The following BRF1 variants were observed in gnomAD, a reference collection of about 807,000 sequenced individuals.
BRF1 encodes the protein BRF1 general transcription factor IIIB subunit.
In BRF1, 59 loss-of-function variants were observed where a neutral mutation model predicts 81.7. That is an observed-to-expected ratio of 0.72 (90% CI 0.59 to 0.90). The LOEUF (loss-of-function observed/expected upper bound fraction) is 0.90, where lower values mean the gene tolerates loss of function less well. Among genes scored for constraint, BRF1 ranks in the 40% least tolerant of loss-of-function variants. The pLI is 0.00. For synonymous variants in BRF1, 491 were observed against 395.6 expected (o/e 1.24, Z -2.86); for missense variants, 1,050 against 936.3 (o/e 1.12, Z -1.58).
At chr14:105,266,976 G>A (rs1179528811) in intron 3 of BRF1, among the ~76,000 whole-genome samples, 2 of 152,116 alleles carry the variant, frequency 1.3e-5, no homozygotes, top group East Asian at 3.9e-4. Flanking sequence ...CTGGGAGGCA[G>A]AAGCTGCAGT....
rs191087755 is a variant in BRF1, at chr14:105,297,864, C to T, written c.184+2582G>A. ...ACAAAAAATTAGCCGGGCGTGGTGG[C>T]GGTCGCCTGTAGTCCCAGCTACTTG... On this transcript the variant is annotated intron_variant, in intron 1 of 17. Coordinates refer to ENST00000547530, the MANE Select transcript of BRF1 (RefSeq NM_001519.4). Among the ~76,000 whole-genome samples, 1,450 of 152,192 alleles carry T rather than the reference C, an allele frequency of 9.5e-3. 9 individuals carry two copies. Among genetic ancestry groups the T allele is most frequent in the Non-Finnish European group, 0.017 (1,124 of 67,992 alleles).
In BRF1 at chr14:105,309,170, T is replaced by C. The variant is rs1430844487; in HGVS notation, c.-162+6152A>G. ...CCTTTCTTTTCTAATATTTAAGTTATGTCCTGGCTTATTGTGATGATATTC... is the reference window on the plus strand; with the variant it reads ...CCTTTCTTTTCTAATATTTAAGTTACGTCCTGGCTTATTGTGATGATATTC... On this transcript the variant is annotated intron_variant, in intron 1 of 17. Transcript: ENST00000327359. This position sits in a 1 kb window ranked among gnomAD's most constrained non-coding sequence, Gnocchi z 4.0. Among the ~76,000 whole-genome samples the C allele has an allele frequency of 2.6e-5, 4 of 152,158 alleles. No homozygotes were observed. Among genetic ancestry groups the C allele is most frequent in the Non-Finnish European group, 2.9e-5 (2 of 68,018 alleles).
At chr14:105,297,072 C>T (rs1224977877) in intron 1 of BRF1, among the ~76,000 whole-genome samples, 3 of 151,928 alleles carry the variant, frequency 2.0e-5, no homozygotes, top group Non-Finnish European at 4.4e-5. Flanking sequence ...GCACGAGAAT[C>T]GCTTGAACCC....
intron 3 of BRF1, among the ~76,000 whole-genome samples, chr14:105,266,162 C>G (rs1006420609): frequency 2.0e-5 from 3 of 152,012 alleles, no homozygotes; most frequent in Non-Finnish European, 2.9e-5. Flanking sequence ...TTAGAAAAAA[C>G]AGGCCAGATA....
chr14:105,289,809 TA>T (rs2057450040), intron 1 of BRF1, among the ~76,000 whole-genome samples: 1 of 152,046 alleles, frequency 6.6e-6, no homozygotes, highest in South Asian at 2.1e-4. Flanking sequence ...CTGATTTTTG[TA>T]TTTTTACTAG....
At chr14:105,215,685 GCACA>G (rs1272646871) in intron 15 of BRF1, among the ~76,000 whole-genome samples, 4 of 109,192 alleles carry the variant, frequency 3.7e-5, no homozygotes, top group African/African-American at 1.1e-4. Context: ...ACACACACAT[GCACA>G]CAAATACTGC....
At chr14:105,260,584 C>T (rs1442727176) in intron 3 of BRF1, among the ~76,000 whole-genome samples, 2 of 152,032 alleles carry the variant, frequency 1.3e-5, no homozygotes, top group African/African-American at 2.4e-5. Flanking sequence ...CCATGTTGGC[C>T]GAGCTGGTCT....
chr14:105,288,180 C>T (rs1346476109), intron 1 of BRF1, among the ~76,000 whole-genome samples: 3 of 152,210 alleles, frequency 2.0e-5, no homozygotes, highest in Admixed American at 1.3e-4. Flanking sequence ...AAGGTCCGGG[C>T]GCGGTGGCTC....
At position 105,221,879 on chromosome 14, in the gene BRF1, C is replaced by T. The variant is rs772610328; in HGVS notation, c.1084G>A (p.Glu362Lys). ...AGCTCCTCGTCCTCTGTGTCCTCCTCGCCACACAAGCTGGACGCGGTGTCC... is the reference window on the plus strand; with the variant it reads ...AGCTCCTCGTCCTCTGTGTCCTCCTTGCCACACAAGCTGGACGCGGTGTCC... ...TEDTASSLCG[E>K]EDTEDEELEA... The change falls in exon 11 of 18, where the codon GAG (glutamate) becomes AAG (lysine). Residue 362 changes from glutamate to lysine, a missense_variant. Coordinates refer to ENST00000547530, the MANE Select transcript of BRF1 (RefSeq NM_001519.4). The T allele has an allele frequency of 1.2e-6, 2 of 1,600,766 alleles. No homozygotes were observed. Among genetic ancestry groups the T allele is most frequent in the South Asian group, 1.1e-5 (1 of 89,108 alleles).
intron 15 of BRF1, among the ~76,000 whole-genome samples, chr14:105,216,241 C>T (rs1891279231): frequency 6.6e-6 from 1 of 152,238 alleles, no homozygotes; most frequent in Non-Finnish European, 1.5e-5. Flanking sequence ...GCTGTGAACC[C>T]TGTCACCAGG....
Position 105,217,707 on chromosome 14 carries a change from T to C in BRF1, c.1609A>G (p.Lys537Glu). The C allele has an allele frequency of 6.2e-7, 1 of 1,613,432 alleles. No individual in the cohort carries two copies. The highest frequency in any genetic ancestry group is 8.5e-7 in the Non-Finnish European group (1 of 1,180,008). ...CCCCGGAGCACGCTATAATTGATCT[T>C]GCTGGAGATCTTCTTCTGCTCCAGC... The part of the protein sequence containing the change: ...KMLEQKKISS[K>E]INYSVLRGLS... Residue 537 changes from lysine (K) to glutamate (E), a missense_variant, in exon 15 of 18, where the codon AAG becomes GAG. Lys to Glu is a moderately conservative substitution (Grantham distance 56). Transcript: ENST00000547530.
intron 3 of BRF1, among the ~76,000 whole-genome samples, chr14:105,265,531 C>G (rs1182889633): frequency 2.0e-5 from 3 of 152,036 alleles, no homozygotes; most frequent in East Asian, 1.9e-4. Flanking sequence ...GTGGGCAGAT[C>G]ACCTGATGTC....
intron 5 of BRF1, chr14:105,246,956 C>A: frequency 1.0e-6 from 1 of 985,460 alleles, no homozygotes; most frequent in Non-Finnish European, 1.2e-6. Context: ...CTTCTCACTG[C>A]ATTCCCCAAA....
intron 5 of BRF1, 58 bp downstream of exon 5, chr14:105,252,449 G>A: frequency 6.3e-7 from 1 of 1,581,718 alleles, no homozygotes; most frequent in South Asian, 1.2e-5. Context: ...AGGACATTTG[G>A]CACGCTGGTC....
Position 105,250,371 on chromosome 14 carries a change from G to T in BRF1, c.544+2136C>A, listed in dbSNP as rs753791961. 4.3e-6 allele frequency: 7 copies of T among 1,613,686 alleles called. No individual in the cohort carries two copies. The highest frequency in any genetic ancestry group is 3.3e-5 in the Admixed American group (2 of 60,010). On this transcript the variant is annotated intron_variant, in intron 5 of 17. Coordinates refer to ENST00000547530, the MANE Select transcript of BRF1 (RefSeq NM_001519.4). Reference sequence around the variant, plus strand: ...TCCAGCTCTGGGAAGGCTGAGTACAGCGTGAAGATTGAGCTCAAGCGGCTC... The same window carrying T: ...TCCAGCTCTGGGAAGGCTGAGTACATCGTGAAGATTGAGCTCAAGCGGCTC...
chr14:105,268,830 T>C (rs1299488144), intron 3 of BRF1, among the ~76,000 whole-genome samples: 1 of 151,890 alleles, frequency 6.6e-6, no homozygotes, highest in East Asian at 1.9e-4. Flanking sequence ...AGGTGGCGAG[T>C]CCAGAAGGTG....
upstream of BRF1, among the ~76,000 whole-genome samples, chr14:105,304,172 A>G (rs1335227230): frequency 6.6e-6 from 1 of 152,164 alleles, no homozygotes; most frequent in Non-Finnish European, 1.5e-5. Context: ...GGGGAAGACC[A>G]CACCCACAAC....
chr14:105,228,678 C>G, intron 7 of BRF1, 142 bp downstream of exon 7: 1 of 880,254 alleles, frequency 1.1e-6, no homozygotes, highest in South Asian at 1.6e-5. Flanking sequence ...CATAGTGTGA[C>G]CGGGGCTGGG....
chr14:105,299,628 G>A (rs2057898513), intron 1 of BRF1, among the ~76,000 whole-genome samples: 2 of 152,124 alleles, frequency 1.3e-5, no homozygotes, highest in African/African-American at 4.8e-5. Flanking sequence ...GAGGATTCGG[G>A]CATGGCAAAT....
Sources: gnomAD v4.1 joint callset for allele counts (sites outside exome capture counted in the v4.1 genomes callset) on GRCh38, gnomAD v4.1.1 for gene constraint, Gnocchi (gnomAD v3.1) non-coding constraint, MANE v1.5 for transcripts, NCBI Gene and HGNC (gene_info 2026-07-23, HGNC 2026-07-21) for gene names.